TRPC4: variants seen among roughly 807,000 people sequenced by gnomAD.
TRPC4 encodes the protein short transient receptor potential channel 4.
A neutral mutation model predicts 99.4 loss-of-function variants in TRPC4; 49 were observed. The ratio of observed to expected loss-of-function variants is 0.49; its 90% CI spans 0.39 to 0.63. The LOEUF (loss-of-function observed/expected upper bound fraction) is 0.63. TRPC4 is among the 20% of genes least tolerant of loss of function. The pLI, the probability that TRPC4 is intolerant of heterozygous loss-of-function variation, is 0.00. For missense variants in TRPC4, 898 were observed against 1,152.9 expected (o/e 0.78, Z 3.20); for synonymous variants, 454 against 425.9 (o/e 1.07, Z -0.81).
intron 2 of TRPC4, among the ~76,000 whole-genome samples, chr13:37,750,149 C>CT (rs59335314): frequency 0.95 from 144,480 of 152,192 alleles, 68,940 homozygotes; most frequent in East Asian, 1. Context: ...AAATATATTC[C>CT]TTTGTTAGTA....
chr13:37,745,709 G>A (rs1955755113), intron 3 of TRPC4, among the ~76,000 whole-genome samples: 1 of 151,594 alleles, frequency 6.6e-6, no homozygotes, highest in Admixed American at 6.6e-5. Context: ...TTATACCACA[G>A]TCAATGTGTA....
intron 3 of TRPC4, among the ~76,000 whole-genome samples, chr13:37,741,253 T>A (rs1379561748): frequency 6.6e-6 from 1 of 152,196 alleles, no homozygotes; most frequent in African/African-American, 2.4e-5. Context: ...TCACATTTAG[T>A]AATCTTACAA....
intron 1 of TRPC4, among the ~76,000 whole-genome samples, chr13:37,867,166 T>A (rs1039153319): frequency 1.1e-4 from 16 of 151,976 alleles, no homozygotes; most frequent in Non-Finnish European, 1.8e-4. Context: ...AAATATTCAG[T>A]CCCTAATTTT....
chr13:37,860,849 T>C (rs1408971833), intron 1 of TRPC4, among the ~76,000 whole-genome samples: 2 of 151,340 alleles, frequency 1.3e-5, no homozygotes, highest in Non-Finnish European at 3.0e-5. Context: ...CAGAGTATAA[T>C]ATTGAAGAAA....
intron 1 of TRPC4, among the ~76,000 whole-genome samples, chr13:37,826,652 C>G (rs938519601): frequency 6.6e-6 from 1 of 152,100 alleles, no homozygotes; most frequent in African/African-American, 2.4e-5. Flanking sequence ...CGCTGTTAGT[C>G]TGATGGGCTT....
chr13:37,634,463 C>T lies in TRPC4; in HGVS notation c.*2440G>A, dbSNP rs1383481633. Among the ~76,000 whole-genome samples the T allele has an allele frequency of 6.6e-6, 1 of 151,986 alleles. No individual in the cohort carries two copies. The highest frequency in any genetic ancestry group is 6.6e-5 in the Admixed American group (1 of 15,224). On this transcript the variant is annotated 3_prime_UTR_variant, in exon 11 of 11. Coordinates refer to ENST00000379705, the MANE Select transcript of TRPC4 (RefSeq NM_016179.4). ...GTTGTTAGAATCATCCTTTCTAGGGCACTGAAAAGGAGGGTCTTACTTGCT... is the reference window on the plus strand; with the variant it reads ...GTTGTTAGAATCATCCTTTCTAGGGTACTGAAAAGGAGGGTCTTACTTGCT...
rs1555266914 is a variant in TRPC4 at position 37,752,075 on chromosome 13, C to CTATATATATGTATA, written c.379-5621_379-5620insTATACATATATATA. ...TACCAAAACCTGATAAAGCAGAAAA[C>CTATATATATGTATA]TATATATATATATATATATATGACT... On this transcript the variant is annotated intron_variant, in intron 2 of 10. Transcript: ENST00000379705. Among the ~76,000 whole-genome samples, 211 of 73,940 alleles carry CTATATATATGTATA rather than the reference C, an allele frequency of 2.9e-3. 43 individuals are homozygous for CTATATATATGTATA. The highest frequency in any genetic ancestry group is 0.014 in the South Asian group (31 of 2,250). 48.5% of individuals were successfully genotyped at this position (73,940 alleles called of 152,430 possible).
At position 37,819,156 on chromosome 13, in the gene TRPC4, A is replaced by G. The variant is rs985357385; in HGVS notation, c.-27-35796T>C. ...ACCATCTTACACCATCAGAATGGCT[A>G]TTATTAAAAAGCAAAAAAATTACAG... On this transcript the variant is annotated intron_variant, in intron 1 of 10. Coordinates refer to ENST00000379705, the MANE Select transcript of TRPC4 (RefSeq NM_016179.4). Among the ~76,000 whole-genome samples the G allele has an allele frequency of 3.1e-4, 47 of 152,062 alleles. 1 individual carries two copies. Among genetic ancestry groups the G allele is most frequent in the African/African-American group, 1.1e-3 (45 of 41,428 alleles).
At chr13:37,808,009 C>T (rs17056702) in intron 1 of TRPC4, among the ~76,000 whole-genome samples, 3,807 of 152,142 alleles carry the variant, frequency 0.025, 89 homozygotes, top group African/African-American at 0.058. Flanking sequence ...ACTAAAAGGC[C>T]TTGTTCCTCT....
At chr13:37,709,338 A>G (rs1954396559) in intron 3 of TRPC4, among the ~76,000 whole-genome samples, 2 of 152,146 alleles carry the variant, frequency 1.3e-5, no homozygotes, top group South Asian at 4.1e-4. Context: ...GAGGAAGTGT[A>G]ATTCACATTG....
At chr13:37,680,393 T>C (rs1386288144) in intron 4 of TRPC4, among the ~76,000 whole-genome samples, 1 of 152,226 alleles carries the variant, frequency 6.6e-6, no homozygotes, top group East Asian at 1.9e-4. Context: ...CAATCAGCTT[T>C]AGAATCTTAG....
intron 3 of TRPC4, among the ~76,000 whole-genome samples, chr13:37,735,620 A>C (rs1275298209): frequency 6.6e-6 from 1 of 152,188 alleles, no homozygotes; most frequent in Non-Finnish European, 1.5e-5. Flanking sequence ...CATCAGAGTC[A>C]GAAGTACCCG....
At chr13:37,818,623 A>G (rs1208897634) in intron 1 of TRPC4, among the ~76,000 whole-genome samples, 1 of 152,166 alleles carries the variant, frequency 6.6e-6, no homozygotes, top group Non-Finnish European at 1.5e-5. Flanking sequence ...ATGCAGCCAT[A>G]AAAAGGGGTG....
intron 1 of TRPC4, among the ~76,000 whole-genome samples, chr13:37,799,758 C>T (rs1957354238): frequency 6.6e-6 from 1 of 152,118 alleles, no homozygotes; most frequent in African/African-American, 2.4e-5. Context: ...ATGCACAACC[C>T]AAGAAGGTTC....
At chr13:37,765,572 C>T (rs973450599) in intron 2 of TRPC4, among the ~76,000 whole-genome samples, 1 of 151,284 alleles carries the variant, frequency 6.6e-6, no homozygotes, top group Non-Finnish European at 1.5e-5. Flanking sequence ...TAGCTAGTTA[C>T]CACCTAGAAT....
chr13:37,654,783 G>A (rs1398911627), intron 7 of TRPC4, among the ~76,000 whole-genome samples: 1 of 152,112 alleles, frequency 6.6e-6, no homozygotes, highest in Non-Finnish European at 1.5e-5. Context: ...ATTGTACACG[G>A]CGCAGAGATG....
intron 1 of TRPC4, among the ~76,000 whole-genome samples, chr13:37,797,152 C>T (rs1442054296): frequency 6.6e-6 from 1 of 151,382 alleles, no homozygotes; most frequent in East Asian, 1.9e-4. Context: ...TGCACTCCAG[C>T]CTGGGTGACA....
At chr13:37,647,210 C>G (rs1243052576) in intron 8 of TRPC4, among the ~76,000 whole-genome samples, 1 of 152,098 alleles carries the variant, frequency 6.6e-6, no homozygotes, top group Non-Finnish European at 1.5e-5. Context: ...GAATGAGCAG[C>G]AGGGTGACAT....
intron 8 of TRPC4, among the ~76,000 whole-genome samples, chr13:37,645,866 C>G (rs1951848187): frequency 6.6e-6 from 1 of 152,150 alleles, no homozygotes; most frequent in Admixed American, 6.5e-5. Context: ...GAATATCAAG[C>G]AATTAATTTC....
Sources: allele counts gnomAD v4.1 joint callset (sites outside exome capture counted in the v4.1 genomes callset), GRCh38; gene constraint gnomAD v4.1.1; transcripts MANE v1.5; gene names NCBI Gene and HGNC (gene_info 2026-07-23, HGNC 2026-07-21).